The following USH2A variants were observed in gnomAD, a reference collection of about 807,000 sequenced individuals.
The protein encoded by USH2A is Usher syndrome 2A (autosomal recessive, mild).
In USH2A, 443 loss-of-function variants were observed where a neutral mutation model predicts 538.9. The observed-to-expected ratio is 0.82, with a 90% CI of 0.76 to 0.89. The LOEUF (loss-of-function observed/expected upper bound fraction) is 0.89, where lower values mean the gene tolerates loss of function less well. Among genes scored for constraint, USH2A ranks in the 40% least tolerant of loss-of-function variants. The pLI is 0.00. For synonymous variants in USH2A, 2,413 were observed against 2,273.5 expected, an observed-to-expected ratio of 1.06 and a Z score of -1.75; for missense variants, 6,633 against 6,324.8, an observed-to-expected ratio of 1.05 and a Z score of -1.65.
At chr1:216,314,268 C>A (rs1208640664) in intron 9 of USH2A, among the ~76,000 whole-genome samples, 1 of 152,102 alleles carries the variant, frequency 6.6e-6, no homozygotes, top group Non-Finnish European at 1.5e-5. Context: ...ACATACCTAT[C>A]TCACGGAAAG....
intron 2 of USH2A, among the ~76,000 whole-genome samples, chr1:216,421,236 A>G (rs566512092): frequency 1.3e-5 from 2 of 152,280 alleles, no homozygotes; most frequent in African/African-American, 4.8e-5. Flanking sequence ...AGAATCTCTC[A>G]CACTTACCTA....
At position 216,127,758 on chromosome 1, in the gene USH2A, C is replaced by T. The variant is rs146072616; in HGVS notation, c.4628-30545G>A. Among the ~76,000 whole-genome samples, 35 of 152,286 alleles carry T rather than the reference C, an allele frequency of 2.3e-4. No individual in the cohort carries two copies. The East Asian group carries it at 6.4e-3, about 28-fold the overall frequency. Reference sequence around the variant, plus strand: ...AGTTTCAAAGGATTCAAATTAAATGCTGTTGTAGCAAAACTGTCAATTATC... The same window carrying T: ...AGTTTCAAAGGATTCAAATTAAATGTTGTTGTAGCAAAACTGTCAATTATC... On this transcript the variant is annotated intron_variant, in intron 21 of 71. Transcript: ENST00000307340.
At chr1:216,233,063 C>T (rs868491353) in intron 13 of USH2A, among the ~76,000 whole-genome samples, 4 of 152,234 alleles carry the variant, frequency 2.6e-5, no homozygotes, top group Middle Eastern at 3.4e-3. Context: ...AGTCTTTTTC[C>T]AAAGTGCAGT....
At chr1:216,035,246 T>A (rs1235341998) in intron 32 of USH2A, among the ~76,000 whole-genome samples, 1 of 152,132 alleles carries the variant, frequency 6.6e-6, no homozygotes, top group Admixed American at 6.6e-5. Context: ...TGTAATTAGC[T>A]CAGATGAGCT....
At chr1:216,033,441 A>G (rs1669174248) in intron 32 of USH2A, among the ~76,000 whole-genome samples, 1 of 151,870 alleles carries the variant, frequency 6.6e-6, no homozygotes, top group South Asian at 2.1e-4. Context: ...CAGAAAGTTC[A>G]AAAGTCTGCA....
intron 55 of USH2A, among the ~76,000 whole-genome samples, chr1:215,768,039 G>T (rs1022775230): frequency 6.6e-6 from 1 of 151,424 alleles, no homozygotes; most frequent in Non-Finnish European, 1.5e-5. Flanking sequence ...CGCATATTTT[G>T]TTCTTTTGGT....
chr1:215,751,281 A>C (rs1367201429), intron 58 of USH2A, among the ~76,000 whole-genome samples: 2 of 150,986 alleles, frequency 1.3e-5, no homozygotes, highest in African/African-American at 4.8e-5. Context: ...ATTAATAAAA[A>C]TTATTTATCA....
chr1:215,701,556 C>G (rs1050560314), intron 61 of USH2A, among the ~76,000 whole-genome samples: 1 of 152,144 alleles, frequency 6.6e-6, no homozygotes, highest in African/African-American at 2.4e-5. Flanking sequence ...TCCATTGATC[C>G]CTTTACCACT....
At chr1:215,663,133 G>A (rs899134878) in intron 64 of USH2A, among the ~76,000 whole-genome samples, 2 of 152,170 alleles carry the variant, frequency 1.3e-5, no homozygotes, top group Non-Finnish European at 1.5e-5. Context: ...CTGTACTCCT[G>A]ATTGAGATTT....
At chr1:216,404,147 G>A (rs990989037) in intron 3 of USH2A, among the ~76,000 whole-genome samples, 1 of 152,098 alleles carries the variant, frequency 6.6e-6, no homozygotes, top group Non-Finnish European at 1.5e-5. Flanking sequence ...GCCAATAAAA[G>A]AGGACCTAAA....
chr1:215,813,131 A>T (rs1364027600), intron 49 of USH2A, among the ~76,000 whole-genome samples: 1 of 152,210 alleles, frequency 6.6e-6, no homozygotes, highest in Admixed American at 6.5e-5. Context: ...ATTCCCAATT[A>T]TATTCACTAG....
Position 215,844,345 on chromosome 1 carries a change from A to G in USH2A, c.9207T>C (p.Pro3069=). The change falls in exon 46 of 72, where the codon CCT becomes CCC. Residue 3069 remains proline, a synonymous_variant. Transcript: ENST00000307340. The part of the protein sequence containing the change: ...NKLYKTGMNV[P]GSFILRDLSP... Reference sequence around the variant, plus strand: ...ACAGGTCTCTCAGAATAAACGACCCAGGCACATTCATTCCAGTCTTGTAGA... The same window carrying G: ...ACAGGTCTCTCAGAATAAACGACCCGGGCACATTCATTCCAGTCTTGTAGA... 1 of 1,613,830 alleles carries G rather than the reference A, an allele frequency of 6.2e-7. No individual in the cohort carries two copies. Among genetic ancestry groups the G allele is most frequent in the Non-Finnish European group, 8.5e-7 (1 of 1,179,840 alleles).
At chr1:215,655,019 A>G (rs570582964) in intron 64 of USH2A, among the ~76,000 whole-genome samples, 3 of 152,336 alleles carry the variant, frequency 2.0e-5, no homozygotes, top group Non-Finnish European at 4.4e-5. Context: ...CCTCTTAGAA[A>G]TCTTCTTTTA....
chr1:215,821,514 C>G (rs1663013857), intron 47 of USH2A, among the ~76,000 whole-genome samples: 1 of 151,710 alleles, frequency 6.6e-6, no homozygotes, highest in Admixed American at 6.6e-5. Context: ...GTTATTAATT[C>G]ATTGTCAGAT....
Position 215,630,760 on chromosome 1 carries a change from G to A in USH2A, c.15298-1725C>T, listed in dbSNP as rs528949156. Among the ~76,000 whole-genome samples the A allele has an allele frequency of 1.8e-4, 27 of 151,570 alleles. No individual in the cohort carries two copies. The South Asian group carries it at 2.3e-3, about 13-fold the overall frequency. On this transcript the variant is annotated intron_variant, in intron 70 of 71. Coordinates refer to ENST00000307340, the MANE Select transcript of USH2A (RefSeq NM_206933.4). The stretch of plus-strand genomic sequence containing the variant: ...CCCAGTTACTCAGGAGGCTGAGGCA[G>A]GAGAATCGCTTGAACCCAGGAGCTG...
intron 41 of USH2A, among the ~76,000 whole-genome samples, chr1:215,888,184 A>G (rs570929764): frequency 6.6e-6 from 1 of 152,334 alleles, no homozygotes; most frequent in East Asian, 1.9e-4. Context: ...CATTCAAAAT[A>G]TTTCAGGTGT....
At chr1:216,344,150 T>C (rs767114236) in intron 4 of USH2A, among the ~76,000 whole-genome samples, 38 of 152,076 alleles carry the variant, frequency 2.5e-4, no homozygotes, top group Non-Finnish European at 4.1e-4. Context: ...GTAACACAAG[T>C]AATTCTTTAC....
intron 13 of USH2A, 147 bp from the exon 14 acceptor site, chr1:216,232,283 G>A (rs2035714209): frequency 2.1e-6 from 2 of 942,748 alleles, no homozygotes; most frequent in Non-Finnish European, 3.1e-6. Context: ...CCTTCAGTGT[G>A]TCAATTATGA....
At chr1:215,966,047 G>A (rs1667339153) in intron 36 of USH2A, among the ~76,000 whole-genome samples, 1 of 151,648 alleles carries the variant, frequency 6.6e-6, no homozygotes, top group South Asian at 2.1e-4. Context: ...TGTAAAAATG[G>A]CATCATGCTA....
Sources: allele counts gnomAD v4.1 joint callset (sites outside exome capture counted in the v4.1 genomes callset), GRCh38; gene constraint gnomAD v4.1.1; transcripts MANE v1.5; gene names NCBI Gene and HGNC (gene_info 2026-07-23, HGNC 2026-07-21).